STX18: variants seen among roughly 807,000 people sequenced by gnomAD.
STX18 encodes syntaxin-18.
In STX18, 40 loss-of-function variants were observed where a neutral mutation model predicts 50.1. That is an observed-to-expected ratio of 0.80 (90% confidence interval 0.62 to 1.04). STX18 has a LOEUF of 1.04. STX18 is among the 50% of genes least tolerant of loss of function. The pLI is 0.00. For missense variants in STX18, 410 were observed against 415.8 expected, an observed-to-expected ratio of 0.99 and a Z score of 0.12; for synonymous variants, 158 against 151.8, an observed-to-expected ratio of 1.04 and a Z score of -0.30.
At chr4:4,433,687 T>C (rs1023137981) in intron 7 of STX18, among the ~76,000 whole-genome samples, 1 of 152,086 alleles carries the variant, frequency 6.6e-6, no homozygotes, top group African/African-American at 2.4e-5. Context: ...GTAGGTGGGG[T>C]TGCCGGGTCT....
intron 1 of STX18, among the ~76,000 whole-genome samples, chr4:4,518,581 T>C (rs996615498): frequency 4.6e-5 from 7 of 152,218 alleles, no homozygotes; most frequent in Non-Finnish European, 1.0e-4. Flanking sequence ...TAATGTAGAT[T>C]ATAAACACAT....
intron 1 of STX18, among the ~76,000 whole-genome samples, chr4:4,512,385 G>C (rs972877584): frequency 4.6e-5 from 7 of 152,076 alleles, no homozygotes; most frequent in Non-Finnish European, 8.8e-5. Context: ...ATTTGAGTCT[G>C]GTTGCTACCC....
At chr4:4,501,643 C>T (rs1729468518) in intron 1 of STX18, among the ~76,000 whole-genome samples, 2 of 152,154 alleles carry the variant, frequency 1.3e-5, no homozygotes, top group Admixed American at 1.3e-4. Flanking sequence ...TCACAGGACA[C>T]TAACAGAATA....
At chr4:4,525,299 G>C (rs1276047031) in intron 1 of STX18, among the ~76,000 whole-genome samples, 1 of 152,210 alleles carries the variant, frequency 6.6e-6, no homozygotes, top group African/African-American at 2.4e-5. Flanking sequence ...ACAGGGAAAA[G>C]AATGAGAGGA....
chr4:4,493,977 A>C (rs1177109591), intron 1 of STX18, among the ~76,000 whole-genome samples: 1 of 152,218 alleles, frequency 6.6e-6, no homozygotes, highest in East Asian at 1.9e-4. Flanking sequence ...ATGCAAGAAA[A>C]GTCAACAAGG....
intron 2 of STX18, among the ~76,000 whole-genome samples, chr4:4,466,335 T>C (rs1343041216): frequency 6.6e-6 from 1 of 152,138 alleles, no homozygotes. Context: ...ATGTTAATTC[T>C]GAATGCAGCT....
chr4:4,478,894 G>C (rs1297707235), intron 1 of STX18: 4 of 152,614 alleles, frequency 2.6e-5, no homozygotes, highest in Non-Finnish European at 1.5e-5. Context: ...ACTCGTATTG[G>C]GCCATAACTC....
At chr4:4,522,541 A>G (rs73796088) in intron 1 of STX18, among the ~76,000 whole-genome samples, 3,963 of 152,326 alleles carry the variant, frequency 0.026, 167 homozygotes, top group African/African-American at 0.09. Flanking sequence ...TAGATGCATG[A>G]GAAAACTAGC....
rs771611682 is a variant in STX18 at position 4,459,353 on chromosome 4, A to C, written c.352+19T>G. The stretch of plus-strand genomic sequence containing the variant: ...GCTATATTCATGGTTGCTTGTTTGC[A>C]TCTTTCAGAGCACTTTACCTTCTGT... On this transcript the variant is annotated intron_variant, in intron 3 of 10. Coordinates refer to ENST00000306200, the MANE Select transcript of STX18 (RefSeq NM_016930.4). The C allele has an allele frequency of 1.9e-6, 3 of 1,585,156 alleles. No individual in the cohort carries two copies. The Admixed American group carries it at 5.0e-5, about 26-fold the overall frequency.
intron 5 of STX18, among the ~76,000 whole-genome samples, chr4:4,441,749 T>C (rs1726119442): frequency 6.6e-6 from 1 of 152,056 alleles, no homozygotes. Context: ...GCCGGAAAAA[T>C]CAACTATGAA....
In STX18 at chr4:4,486,113, A is replaced by G. The variant is rs150519784; in HGVS notation, c.169-14407T>C. ...CTCACTTGTGTGCTTTGAAGGTTGC[A>G]TGGAAAGAACCCCCAAATGCTTTCC... On this transcript the variant is annotated intron_variant, in intron 1 of 10. Transcript: ENST00000306200. Among the ~76,000 whole-genome samples, 549 of 152,334 alleles carry G rather than the reference A, an allele frequency of 3.6e-3. 3 individuals are homozygous for G. Among genetic ancestry groups the G allele is most frequent in the African/African-American group, 0.013 (533 of 41,578 alleles).
chr4:4,488,865 AC>A (rs1396469023), intron 1 of STX18, among the ~76,000 whole-genome samples: 2 of 152,078 alleles, frequency 1.3e-5, no homozygotes, highest in Non-Finnish European at 2.9e-5. Context: ...CACCATCAAA[AC>A]TGTTACCTTG....
intron 1 of STX18, among the ~76,000 whole-genome samples, chr4:4,508,150 C>T (rs1729816765): frequency 2.0e-5 from 3 of 152,262 alleles, no homozygotes; most frequent in South Asian, 2.1e-4. Context: ...CTGAAGTGCC[C>T]GTGTGAAAAG....
intron 9 of STX18, among the ~76,000 whole-genome samples, chr4:4,422,786 C>T (rs1725037223): frequency 6.6e-6 from 1 of 152,158 alleles, no homozygotes; most frequent in African/African-American, 2.4e-5. Flanking sequence ...AATGATTTCA[C>T]TCTGGCTGTG....
At chr4:4,481,876 G>A (rs1728480778) in intron 1 of STX18, among the ~76,000 whole-genome samples, 1 of 152,182 alleles carries the variant, frequency 6.6e-6, no homozygotes, top group Non-Finnish European at 1.5e-5. Flanking sequence ...CGAGTTTGTT[G>A]AGGGAATACA....
At chr4:4,471,164 T>C (rs528652796) in intron 2 of STX18, among the ~76,000 whole-genome samples, 22 of 152,198 alleles carry the variant, frequency 1.4e-4, no homozygotes, top group African/African-American at 4.8e-4. Context: ...GACTGGGAAT[T>C]GGCGAGGGAG....
rs74517975 is a variant in STX18, at chr4:4,494,255, A to G, written c.169-22549T>C. Among the ~76,000 whole-genome samples, 466 of 152,334 alleles carry G rather than the reference A, an allele frequency of 3.1e-3. 3 individuals carry two copies. Among genetic ancestry groups the G allele is most frequent in the African/African-American group, 0.01 (434 of 41,560 alleles). ...GTACAGTACATATATTTGGGCTCAC[A>G]GTGTACCCTTGGTCAAGTTCCTTCT... On this transcript the variant is annotated intron_variant, in intron 1 of 10. Transcript: ENST00000306200.
chr4:4,450,608 T>C (rs1726693528), intron 5 of STX18, among the ~76,000 whole-genome samples: 1 of 152,088 alleles, frequency 6.6e-6, no homozygotes, highest in Non-Finnish European at 1.5e-5. Context: ...CCAGCCTCCT[T>C]CTGTATTTAT....
rs1200029384 is a variant in STX18 at position 4,433,527 on chromosome 4, A to G, written c.702+1243T>C. On this transcript the variant is annotated intron_variant, in intron 7 of 10. Transcript: ENST00000306200. ...ACACCCAAGAATGATCAATAAAAAA[A>G]ATAAATTAAAAAAAAAAAAAAAAAA... Among the ~76,000 whole-genome samples the G allele has an allele frequency of 2.9e-5, 4 of 135,936 alleles. No individual in the cohort carries two copies. In the East Asian group the frequency reaches 5.8e-4, roughly 20 times the overall value. 89.2% of individuals were successfully genotyped at this position (135,936 alleles called of 152,430 possible). A position where few individuals can be genotyped will look rare whatever the true frequency, so the allele number is the denominator to read the frequency against.
Sources: gnomAD v4.1 joint callset for allele counts (sites outside exome capture counted in the v4.1 genomes callset) on GRCh38, gnomAD v4.1.1 for gene constraint, MANE v1.5 for transcripts, NCBI Gene and HGNC (gene_info 2026-07-23, HGNC 2026-07-21) for gene names.